SLC35F5: variants seen among roughly 807,000 people sequenced by gnomAD.
The protein encoded by SLC35F5 is solute carrier family 35 member F5, also known as HCV NS5A-transactivated protein 3.
Under a neutral mutation model 68.6 loss-of-function variants are expected in SLC35F5, and 54 were observed. The observed-to-expected ratio is 0.79, with a 90% CI of 0.63 to 0.99. SLC35F5 has a LOEUF of 0.99. Ranked by LOEUF, SLC35F5 falls within the 50% of genes least tolerant of loss-of-function variation. SLC35F5 has a pLI of 0.00. For missense variants in SLC35F5, 567 were observed against 626.9 expected, an observed-to-expected ratio of 0.90 and a Z score of 1.02; for synonymous variants, 211 against 205.2, an observed-to-expected ratio of 1.03 and a Z score of -0.24.
At chr2:113,728,983 T>C (rs904957472) in intron 11 of SLC35F5, among the ~76,000 whole-genome samples, 2 of 152,222 alleles carry the variant, frequency 1.3e-5, no homozygotes, top group South Asian at 2.1e-4. Context: ...CATAAGTACA[T>C]AGACTGCGAC....
intron 4 of SLC35F5, among the ~76,000 whole-genome samples, chr2:113,748,678 C>T (rs1397132713): frequency 6.6e-6 from 1 of 152,084 alleles, no homozygotes; most frequent in South Asian, 2.1e-4. Context: ...ATAATTTCTA[C>T]AATGTATATG....
Position 113,750,378 on chromosome 2 carries a change from CG to C in SLC35F5, c.417+46del, listed in dbSNP as rs745981888. Reference sequence around the variant, plus strand: ...AATACATCTTTAAACTTTGAAAAAACGTATCTATACCCCCTTCCTAACAGAC... The same window carrying C: ...AATACATCTTTAAACTTTGAAAAAACTATCTATACCCCCTTCCTAACAGAC... On this transcript the variant is annotated intron_variant, in intron 4 of 15. Transcript: ENST00000245680. 4.4e-5 allele frequency: 65 copies of C among 1,474,950 alleles called. 1 individual carries two copies. The highest frequency in any genetic ancestry group is 5.0e-5 in the Non-Finnish European group (55 of 1,107,806). 91.4% of individuals were successfully genotyped at this position (1,474,950 alleles called of 1,614,324 possible). A position where few individuals can be genotyped will look rare whatever the true frequency, so the allele number is the denominator to read the frequency against.
At chr2:113,717,671 C>T in intron 15 of SLC35F5, 82 bp downstream of exon 15, 1 of 990,186 alleles carries the variant, frequency 1.0e-6, no homozygotes. Context: ...GCCTCTCAAA[C>T]AACTAATTAT....
chr2:113,727,881 T>C (rs1237115781), intron 11 of SLC35F5, among the ~76,000 whole-genome samples: 1 of 152,316 alleles, frequency 6.6e-6, no homozygotes, highest in Middle Eastern at 3.4e-3. Context: ...TGTATAAATT[T>C]TTAAAAAGTA....
chr2:113,755,883 G>C, intron 1 of SLC35F5: 2 of 1,550,536 alleles, frequency 1.3e-6, no homozygotes, highest in Non-Finnish European at 1.7e-6. Context: ...CCATCCCTGG[G>C]GACAGCGTCT....
chr2:113,733,733 T>G (rs548903300), intron 9 of SLC35F5, among the ~76,000 whole-genome samples: 1 of 152,226 alleles, frequency 6.6e-6, no homozygotes. Flanking sequence ...CACTAAACTT[T>G]AAAACAAGGC....
At chr2:113,741,138 T>C (rs1676256441) in intron 7 of SLC35F5, among the ~76,000 whole-genome samples, 1 of 152,200 alleles carries the variant, frequency 6.6e-6, no homozygotes, top group South Asian at 2.1e-4. Flanking sequence ...ACAACCTGGA[T>C]GAACCTGGAG....
intron 3 of SLC35F5, among the ~76,000 whole-genome samples, chr2:113,754,322 T>G (rs1327585906): frequency 6.7e-6 from 1 of 150,210 alleles, no homozygotes; most frequent in African/African-American, 2.5e-5. Context: ...AAAAAAAAAC[T>G]TATATACTCA....
chr2:113,727,333 C>T (rs1414360707), intron 11 of SLC35F5, among the ~76,000 whole-genome samples: 1 of 152,082 alleles, frequency 6.6e-6, no homozygotes, highest in Admixed American at 6.6e-5. Context: ...CAGACTAATA[C>T]ACCAACTTAC....
At chr2:113,755,378 G>C in intron 2 of SLC35F5, 72 bp from the exon 3 acceptor site, 1 of 1,605,640 alleles carries the variant, frequency 6.2e-7, no homozygotes, top group Non-Finnish European at 8.5e-7. Context: ...GAGAACATTA[G>C]TATAACAGAA....
chr2:113,750,008 C>T (rs926983335), intron 4 of SLC35F5, among the ~76,000 whole-genome samples: 1 of 152,012 alleles, frequency 6.6e-6, no homozygotes, highest in Non-Finnish European at 1.5e-5. Flanking sequence ...ATCTAAAATA[C>T]GTCTGGAAAT....
Position 113,734,693 on chromosome 2 carries a change from T to A in SLC35F5, c.833-20A>T. 2 of 1,462,896 alleles carry A rather than the reference T, an allele frequency of 1.4e-6. No individual in the cohort carries two copies. The highest frequency in any genetic ancestry group is 1.4e-5 in the African/African-American group (1 of 71,036). 90.6% of individuals were successfully genotyped at this position (1,462,896 alleles called of 1,614,324 possible). ...AAAGTCCTATGAGGAGAAAAGAATTTAAAAATGGTACATGAGTTTAAATAC... is the reference window on the plus strand; with the variant it reads ...AAAGTCCTATGAGGAGAAAAGAATTAAAAAATGGTACATGAGTTTAAATAC... On this transcript the variant is annotated intron_variant, in intron 8 of 15. Transcript: ENST00000245680.
At chr2:113,733,098 T>C (rs557192294) in intron 9 of SLC35F5, among the ~76,000 whole-genome samples, 54 of 152,300 alleles carry the variant, frequency 3.5e-4, no homozygotes, top group Middle Eastern at 3.4e-3. Flanking sequence ...TAAGAACATA[T>C]ACTTACTCAA....
At chr2:113,722,291 A>G (rs1687474548) in intron 13 of SLC35F5, among the ~76,000 whole-genome samples, 1 of 152,148 alleles carries the variant, frequency 6.6e-6, no homozygotes, top group Non-Finnish European at 1.5e-5. Context: ...AGAGAAAAAT[A>G]GGTTTAAAAT....
At position 113,756,490 on chromosome 2, in the gene SLC35F5, T is replaced by A; in HGVS notation, c.-81A>T. 6.6e-7 allele frequency: 1 copy of A among 1,523,568 alleles called. No individual in the cohort carries two copies. Among genetic ancestry groups the A allele is most frequent in the South Asian group, 1.2e-5 (1 of 82,352 alleles). 94.4% of individuals were successfully genotyped at this position (1,523,568 alleles called of 1,614,324 possible). On this transcript the variant is annotated 5_prime_UTR_variant, in exon 1 of 16. It removes an upstream start codon present in the reference 5' UTR. Coordinates refer to ENST00000245680, the MANE Select transcript of SLC35F5 (RefSeq NM_025181.5). ...CACAGAGCTGTCACCGCGCCTGACATCGCGCCGCACTGGAGGCCCAGCTCC... is the reference window on the plus strand; with the variant it reads ...CACAGAGCTGTCACCGCGCCTGACAACGCGCCGCACTGGAGGCCCAGCTCC...
rs547169689 is a variant in SLC35F5, at chr2:113,710,974, A to T, written c.*4244T>A. ...CCTAGCATACAACGATCTAAGTGAA[A>T]GTTAATAAAAGTAGCTCTTCAGAAA... On this transcript the variant is annotated 3_prime_UTR_variant, in exon 16 of 16. Transcript: ENST00000245680. Among the ~76,000 whole-genome samples the T allele has an allele frequency of 3.3e-5, 5 of 152,344 alleles. No individual in the cohort carries two copies. Among genetic ancestry groups the T allele is most frequent in the African/African-American group, 1.2e-4 (5 of 41,576 alleles).
At chr2:113,750,605 G>T in intron 3 of SLC35F5, 37 bp from the exon 4 acceptor site, 3 of 1,563,302 alleles carry the variant, frequency 1.9e-6, no homozygotes, top group Middle Eastern at 1.7e-4. Flanking sequence ...ACTCTGAGAT[G>T]ACCTTAAACC....
chr2:113,743,956 G>T, intron 5 of SLC35F5, 162 bp from the exon 6 acceptor site: 1 of 475,956 alleles, frequency 2.1e-6, no homozygotes, highest in Non-Finnish European at 3.7e-6. Context: ...AAACTCAACA[G>T]ATCCATACAG....
chr2:113,744,284 T>C (rs1321073371), intron 5 of SLC35F5, among the ~76,000 whole-genome samples: 7 of 152,216 alleles, frequency 4.6e-5, no homozygotes, highest in Non-Finnish European at 5.9e-5. Flanking sequence ...GTATATAGTA[T>C]GTATTTATAT....
Sources: allele counts gnomAD v4.1 joint callset (sites outside exome capture counted in the v4.1 genomes callset), GRCh38; gene constraint gnomAD v4.1.1; transcripts MANE v1.5; gene names NCBI Gene and HGNC (gene_info 2026-07-23, HGNC 2026-07-21).